LAMA2: variants seen among roughly 807,000 people sequenced by gnomAD.
LAMA2 encodes laminin subunit alpha-2.
In LAMA2, 269 loss-of-function variants were observed where a neutral mutation model predicts 364.8. The ratio of observed to expected loss-of-function variants is 0.74; its 90% CI spans 0.67 to 0.82. LAMA2 has a LOEUF of 0.82. Among genes scored for constraint, LAMA2 ranks in the 40% least tolerant of loss-of-function variants. The pLI is 0.00. For synonymous variants in LAMA2, 1,379 were observed against 1,370.6 expected, an observed-to-expected ratio of 1.01 and a Z score of -0.14; for missense variants, 3,807 against 3,873.2, an observed-to-expected ratio of 0.98 and a Z score of 0.45.
intron 46 of LAMA2, 23 bp from the exon 47 acceptor site, chr6:129,454,132 G>A (rs1782833503): frequency 6.8e-6 from 11 of 1,607,918 alleles, no homozygotes; most frequent in Non-Finnish European, 9.4e-6. Context: ...GATATCTCTT[G>A]TTTTTGTATT....
chr6:128,888,746 G>A (rs913363468), intron 1 of LAMA2, among the ~76,000 whole-genome samples: 3 of 152,200 alleles, frequency 2.0e-5, no homozygotes, highest in Non-Finnish European at 4.4e-5. Flanking sequence ...TAGCATTGTT[G>A]ACCTTAATTT....
At chr6:129,443,678 C>T (rs1339614484) in intron 44 of LAMA2, among the ~76,000 whole-genome samples, 6 of 152,122 alleles carry the variant, frequency 3.9e-5, no homozygotes, top group Non-Finnish European at 7.4e-5. Context: ...CATAATAAAA[C>T]TAGGTCTTAA....
intron 1 of LAMA2, among the ~76,000 whole-genome samples, chr6:128,894,136 T>C (rs903566190): frequency 6.6e-6 from 1 of 152,096 alleles, no homozygotes; most frequent in Non-Finnish European, 1.5e-5. Context: ...TGAAACTGCA[T>C]CAACGATATT....
intron 9 of LAMA2, among the ~76,000 whole-genome samples, chr6:129,174,819 C>T (rs188875581): frequency 7.9e-5 from 12 of 152,198 alleles, no homozygotes; most frequent in East Asian, 3.9e-4. Flanking sequence ...ATCTGTCTTT[C>T]GATCTATCTA....
chr6:129,197,085 C>T (rs146187409), intron 12 of LAMA2, among the ~76,000 whole-genome samples: 11 of 152,118 alleles, frequency 7.2e-5, no homozygotes, highest in Non-Finnish European at 1.3e-4. Flanking sequence ...CAACAAGATA[C>T]CAAATTCTAA....
intron 11 of LAMA2, among the ~76,000 whole-genome samples, chr6:129,191,960 C>A (rs1000866921): frequency 3.9e-5 from 6 of 152,184 alleles, no homozygotes; most frequent in Non-Finnish European, 8.8e-5. Flanking sequence ...GATGTAAAAA[C>A]AAATCATTAT....
chr6:129,353,226 G>A lies in LAMA2; in HGVS notation c.4586G>A (p.Cys1529Tyr). 6 of 1,614,136 alleles carry A rather than the reference G, an allele frequency of 3.7e-6. No individual in the cohort carries two copies. The highest frequency in any genetic ancestry group is 5.1e-6 in the Non-Finnish European group (6 of 1,179,996). ...NPGGSCQECE[C>Y]DPYGSLPVPC... is the part of the protein sequence containing the mutation. ...GGAGGCTCCTGCCAAGAATGTGAGT[G>A]TGATCCCTATGGCTCACTGCCTGTG... The change falls in exon 32 of 65, where the codon TGT becomes TAT. Residue 1529 changes from cysteine (C) to tyrosine (Y), a missense_variant. This residue lies in a region of LAMA2 where 3,333 missense variants were observed against 3,345.7 expected (regional missense o/e 1.00). Coordinates refer to ENST00000421865, the MANE Select transcript of LAMA2 (RefSeq NM_000426.4).
intron 28 of LAMA2, among the ~76,000 whole-genome samples, chr6:129,322,329 T>TCC (rs1562458054): frequency 6.6e-6 from 1 of 152,220 alleles, no homozygotes; most frequent in African/African-American, 2.4e-5. Flanking sequence ...AATATACATA[T>TCC]GTACACATAG....
intron 1 of LAMA2, among the ~76,000 whole-genome samples, chr6:128,920,710 C>A (rs1446043252): frequency 6.7e-6 from 1 of 150,304 alleles, no homozygotes; most frequent in African/African-American, 2.5e-5. Flanking sequence ...TATATATATG[C>A]ATATATATGC....
At chr6:129,410,650 A>G (rs1347220228) in intron 40 of LAMA2, among the ~76,000 whole-genome samples, 1 of 152,190 alleles carries the variant, frequency 6.6e-6, no homozygotes, top group Non-Finnish European at 1.5e-5. Context: ...GATAGATGAC[A>G]GATAGATGAA....
At chr6:129,123,683 C>A (rs1219274323) in intron 4 of LAMA2, among the ~76,000 whole-genome samples, 2 of 152,046 alleles carry the variant, frequency 1.3e-5, no homozygotes, top group Non-Finnish European at 2.9e-5. Flanking sequence ...CTAAAATAGT[C>A]AAAACTCAGA....
chr6:129,270,313 A>ACG (rs950264204), intron 16 of LAMA2, among the ~76,000 whole-genome samples: 4 of 118,666 alleles, frequency 3.4e-5, no homozygotes, highest in African/African-American at 1.2e-4. Flanking sequence ...ACACACACAC[A>ACG]CACGCAATAT....
At chr6:129,258,830 G>A (rs1031680011) in intron 14 of LAMA2, among the ~76,000 whole-genome samples, 1 of 151,988 alleles carries the variant, frequency 6.6e-6, no homozygotes. Flanking sequence ...GGGGAAAAAA[G>A]CATTTAATGA....
intron 63 of LAMA2, among the ~76,000 whole-genome samples, chr6:129,514,114 A>ATTAT (rs928313850): frequency 1.9e-4 from 29 of 152,244 alleles, no homozygotes; most frequent in Admixed American, 6.5e-4. Flanking sequence ...TGAAAGCAGA[A>ATTAT]TTATTACCAG....
intron 1 of LAMA2, among the ~76,000 whole-genome samples, chr6:128,956,390 G>T (rs1366743271): frequency 2.0e-5 from 3 of 151,978 alleles, no homozygotes; most frequent in Non-Finnish European, 4.4e-5. Flanking sequence ...GAAGCCGTGA[G>T]ATAATGCAGC....
At chr6:129,427,127 C>G (rs1218681658) in intron 40 of LAMA2, among the ~76,000 whole-genome samples, 1 of 152,160 alleles carries the variant, frequency 6.6e-6, no homozygotes, top group Non-Finnish European at 1.5e-5. Flanking sequence ...TAATCTGAGT[C>G]TAAACAAATA....
chr6:129,401,446 A>AC, intron 38 of LAMA2, 106 bp downstream of exon 38: 1 of 798,134 alleles, frequency 1.3e-6, no homozygotes, highest in South Asian at 1.4e-5. Flanking sequence ...TCTTGTGGAG[A>AC]TAAAATTATT....
chr6:129,137,385 T>C (rs1777858723), intron 4 of LAMA2, among the ~76,000 whole-genome samples: 2 of 152,098 alleles, frequency 1.3e-5, no homozygotes, highest in Non-Finnish European at 2.9e-5. Flanking sequence ...AATCCATTTA[T>C]AAAATTATTT....
Position 129,325,698 on chromosome 6 carries a change from C to A in LAMA2, c.4177-2580C>A, listed in dbSNP as rs553555338. Among the ~76,000 whole-genome samples the A allele has an allele frequency of 2.7e-3, 418 of 152,228 alleles. 1 individual carries two copies. The highest frequency in any genetic ancestry group is 9.7e-3 in the African/African-American group (404 of 41,530). ...AACTGAAAGACACTTTAGAAGTCAT[C>A]TGAGTTAACCTACTCATTTGTGGGA... On this transcript the variant is annotated intron_variant, in intron 28 of 64. Coordinates refer to ENST00000421865, the MANE Select transcript of LAMA2 (RefSeq NM_000426.4).
Sources: allele counts gnomAD v4.1 joint callset (sites outside exome capture counted in the v4.1 genomes callset), GRCh38; gene constraint gnomAD v4.1.1; regional missense constraint gnomAD v4.1.1; transcripts MANE v1.5; gene names NCBI Gene and HGNC (gene_info 2026-07-23, HGNC 2026-07-21).